The following OPCML variants were observed in gnomAD, a reference collection of about 807,000 sequenced individuals.
OPCML encodes the protein opioid binding protein/cell adhesion molecule like.
In OPCML, 13 loss-of-function variants were observed where a neutral mutation model predicts 37.8. The observed-to-expected ratio is 0.34, with a 90% confidence interval of 0.22 to 0.55. The LOEUF (loss-of-function observed/expected upper bound fraction) is 0.55, where lower values mean the gene tolerates loss of function less well. OPCML is among the 20% of genes least tolerant of loss of function. The probability of loss-of-function intolerance (pLI) is 0.91; values close to 1 mark genes in which losing one functional copy is unlikely to be tolerated. For synonymous variants in OPCML, 176 were observed against 168.8 expected (o/e 1.04, Z -0.33); for missense variants, 341 against 435.6 (o/e 0.78, Z 1.93).
At position 132,500,758 on chromosome 11, in the gene OPCML, C is replaced by T. The variant is rs565426351; in HGVS notation, c.505+28303G>A. Among the ~76,000 whole-genome samples, 83 of 152,090 alleles carry T rather than the reference C, an allele frequency of 5.5e-4. No homozygotes were observed. In the South Asian group the frequency reaches 9.0e-3, roughly 16 times the overall value. ...TGTGATGTTCCCCTCTCTGTGTCCA[C>T]GTGTTCTCATTGTTCATCTCCCACT... On this transcript the variant is annotated intron_variant, in intron 4 of 7. Transcript: ENST00000524381.
chr11:132,881,825 A>G (rs1943235603), intron 2 of OPCML, among the ~76,000 whole-genome samples: 1 of 152,188 alleles, frequency 6.6e-6, no homozygotes, highest in African/African-American at 2.4e-5. Context: ...GTTCACAGAT[A>G]AGAGAGAACC....
chr11:133,075,362 C>A (rs1289856497), intron 1 of OPCML, among the ~76,000 whole-genome samples: 1 of 152,204 alleles, frequency 6.6e-6, no homozygotes, highest in Non-Finnish European at 1.5e-5. Flanking sequence ...AGAGGCTTCT[C>A]CTCAATGAGG....
At chr11:132,772,972 T>A (rs1400189855) in intron 2 of OPCML, 2 of 152,168 alleles carry the variant, frequency 1.3e-5, no homozygotes, top group Non-Finnish European at 1.5e-5. Context: ...GAGCTGTTGT[T>A]GTCTTCCTCT....
At chr11:132,606,239 C>T (rs959168491) in intron 3 of OPCML, among the ~76,000 whole-genome samples, 2 of 152,086 alleles carry the variant, frequency 1.3e-5, no homozygotes, top group Non-Finnish European at 2.9e-5. Context: ...AGCTCTTTGG[C>T]TTTCTCTCTG....
chr11:133,044,573 A>AATGTTTAC (rs1467510556), intron 1 of OPCML, among the ~76,000 whole-genome samples: 1 of 152,212 alleles, frequency 6.6e-6, no homozygotes, highest in Non-Finnish European at 1.5e-5. Flanking sequence ...GTATTTATTG[A>AATGTTTAC]ATGTTTACTC....
intron 1 of OPCML, among the ~76,000 whole-genome samples, chr11:133,138,157 G>C (rs1271382276): frequency 2.6e-5 from 4 of 152,058 alleles, no homozygotes; most frequent in Non-Finnish European, 5.9e-5. Flanking sequence ...GAAAGAGTGG[G>C]TGGTTCCTCC....
intron 1 of OPCML, among the ~76,000 whole-genome samples, chr11:133,488,874 C>G (rs901168838): frequency 6.6e-6 from 1 of 151,408 alleles, no homozygotes; most frequent in Admixed American, 6.6e-5. Flanking sequence ...TAAAAATACA[C>G]ACATAGATCA....
intron 7 of OPCML, among the ~76,000 whole-genome samples, chr11:132,433,370 G>C (rs1193635457): frequency 6.6e-6 from 1 of 152,208 alleles, no homozygotes; most frequent in Non-Finnish European, 1.5e-5. Context: ...ACTCAGGCCT[G>C]TGGTTTTTGT....
intron 2 of OPCML, among the ~76,000 whole-genome samples, chr11:132,862,112 T>C (rs1460680778): frequency 6.6e-6 from 1 of 152,198 alleles, no homozygotes; most frequent in Non-Finnish European, 1.5e-5. Context: ...GAAGCTAGAA[T>C]GACACAGTTT....
chr11:133,060,855 G>A (rs1948329596), intron 1 of OPCML, among the ~76,000 whole-genome samples: 1 of 152,238 alleles, frequency 6.6e-6, no homozygotes, highest in Non-Finnish European at 1.5e-5. Context: ...GTGGGCATCA[G>A]CCAGTGGGCC....
At chr11:133,083,650 T>C (rs1473054813) in intron 1 of OPCML, among the ~76,000 whole-genome samples, 3 of 152,184 alleles carry the variant, frequency 2.0e-5, no homozygotes, top group African/African-American at 7.2e-5. Context: ...ACTGGAACAG[T>C]TATCTTGGGT....
intron 3 of OPCML, among the ~76,000 whole-genome samples, chr11:132,654,546 AAGAGAAGG>A (rs1941602162): frequency 6.6e-6 from 1 of 151,488 alleles, no homozygotes; most frequent in South Asian, 2.1e-4. Context: ...GCTCCTCCCC[AAGAGAAGG>A]TCCTCCCCAA....
chr11:132,912,345 A>G (rs1944453922), intron 2 of OPCML, among the ~76,000 whole-genome samples: 1 of 152,242 alleles, frequency 6.6e-6, no homozygotes, highest in South Asian at 2.1e-4. Flanking sequence ...TGAAACTGTT[A>G]TATTAGGACC....
intron 1 of OPCML, among the ~76,000 whole-genome samples, chr11:133,167,648 A>G (rs1950229020): frequency 6.6e-6 from 1 of 151,774 alleles, no homozygotes; most frequent in Admixed American, 6.6e-5. Context: ...TTTCTGCATA[A>G]TCTCCAGGGT....
chr11:133,148,660 G>A (rs1051303961), intron 1 of OPCML, among the ~76,000 whole-genome samples: 1 of 151,838 alleles, frequency 6.6e-6, no homozygotes, highest in African/African-American at 2.4e-5. Context: ...GCGCACTTCA[G>A]CGCTCGCTCC....
intron 1 of OPCML, among the ~76,000 whole-genome samples, chr11:133,510,882 C>T (rs991070757): frequency 6.8e-5 from 10 of 147,704 alleles, no homozygotes; most frequent in African/African-American, 2.7e-4. Context: ...ATATGCCAGC[C>T]ACATACACAC....
At chr11:133,128,904 A>G (rs1049807406) in intron 1 of OPCML, among the ~76,000 whole-genome samples, 13 of 152,178 alleles carry the variant, frequency 8.5e-5, no homozygotes, top group African/African-American at 2.9e-4. Flanking sequence ...AAAGTGCAGT[A>G]ACAGGGACCA....
chr11:133,530,545 G>A (rs556939756), intron 1 of OPCML, among the ~76,000 whole-genome samples: 1 of 152,326 alleles, frequency 6.6e-6, no homozygotes, highest in African/African-American at 2.4e-5. Flanking sequence ...CGGACCCAGT[G>A]CACCCACCTA....
At chr11:133,312,181 G>A (rs905920921) in intron 1 of OPCML, among the ~76,000 whole-genome samples, 10 of 152,080 alleles carry the variant, frequency 6.6e-5, no homozygotes, top group East Asian at 1.9e-4. Flanking sequence ...ATTTATATCC[G>A]AATTCTCTCC....
Sources: gnomAD v4.1 joint callset for allele counts (sites outside exome capture counted in the v4.1 genomes callset) on GRCh38, gnomAD v4.1.1 for gene constraint, MANE v1.5 for transcripts, NCBI Gene and HGNC (gene_info 2026-07-23, HGNC 2026-07-21) for gene names.